Variants in DPP10 observed in about 807,000 individuals in gnomAD.
DPP10 encodes inactive dipeptidyl peptidase 10.
Under a neutral mutation model 120.9 loss-of-function variants are expected in DPP10, and 33 were observed. The ratio of observed to expected loss-of-function variants is 0.27; its 90% CI spans 0.21 to 0.37. The LOEUF is 0.37. Among genes scored for constraint, DPP10 ranks in the 10% least tolerant of loss-of-function variants. The pLI, the probability that DPP10 is intolerant of heterozygous loss-of-function variation, is 1.00. For missense variants in DPP10, 816 were observed against 942.8 expected, an observed-to-expected ratio of 0.87 and a Z score of 1.76; for synonymous variants, 337 against 326.1, an observed-to-expected ratio of 1.03 and a Z score of -0.36.
At chr2:114,703,399 T>A (rs1700501994) in intron 1 of DPP10, among the ~76,000 whole-genome samples, 1 of 152,172 alleles carries the variant, frequency 6.6e-6, no homozygotes, top group South Asian at 2.1e-4. Context: ...TTACAATACA[T>A]CTTAATAAAA....
intron 1 of DPP10, among the ~76,000 whole-genome samples, chr2:114,522,194 C>T (rs555834622): frequency 9.9e-5 from 15 of 151,632 alleles, no homozygotes; most frequent in South Asian, 8.4e-4. Flanking sequence ...CCGTTTTAGC[C>T]GGGATGGTCT....
chr2:115,145,838 C>T (rs2051192659), intron 1 of DPP10, among the ~76,000 whole-genome samples: 2 of 152,080 alleles, frequency 1.3e-5, no homozygotes, highest in African/African-American at 4.8e-5. Flanking sequence ...TCAATTTTAG[C>T]ATTCTACCAG....
intron 5 of DPP10, among the ~76,000 whole-genome samples, chr2:115,560,780 T>C (rs140959714): frequency 3.1e-4 from 47 of 152,064 alleles, no homozygotes; most frequent in African/African-American, 1.1e-3. Context: ...GTTTTAATAT[T>C]AAACTCATCT....
chr2:115,295,621 T>C (rs1399388307), intron 1 of DPP10, among the ~76,000 whole-genome samples: 1 of 152,138 alleles, frequency 6.6e-6, no homozygotes, highest in Admixed American at 6.6e-5. Context: ...TATATGGTAC[T>C]TATTAACACT....
intron 2 of DPP10, among the ~76,000 whole-genome samples, chr2:115,312,638 A>C (rs567338789): frequency 2.0e-5 from 3 of 152,254 alleles, no homozygotes; most frequent in African/African-American, 7.2e-5. Flanking sequence ...AACTGCACCA[A>C]GCCTTTCTCT....
chr2:115,423,571 G>A (rs560136930), intron 3 of DPP10, among the ~76,000 whole-genome samples: 8 of 152,146 alleles, frequency 5.3e-5, no homozygotes, highest in South Asian at 4.2e-4. Flanking sequence ...CAAAAAGAAC[G>A]GCTTTGCCTG....
intron 1 of DPP10, among the ~76,000 whole-genome samples, chr2:114,522,773 C>A (rs890026088): frequency 7.9e-5 from 12 of 152,158 alleles, no homozygotes; most frequent in Non-Finnish European, 1.6e-4. Flanking sequence ...GGAGGCCTCA[C>A]AATCACGGCA....
chr2:115,462,395 C>T (rs970389571), intron 3 of DPP10, among the ~76,000 whole-genome samples: 5 of 152,148 alleles, frequency 3.3e-5, no homozygotes, highest in Non-Finnish European at 7.4e-5. Context: ...AAGGTGATCA[C>T]TACAGTGTCA....
intron 5 of DPP10, among the ~76,000 whole-genome samples, chr2:115,677,802 G>A (rs980025872): frequency 1.3e-5 from 2 of 152,132 alleles, no homozygotes; most frequent in Non-Finnish European, 2.9e-5. Context: ...GGGAGAGAGA[G>A]TCTCCACTAC....
chr2:115,840,545 C>T (rs1278423227), intron 24 of DPP10, among the ~76,000 whole-genome samples: 1 of 151,708 alleles, frequency 6.6e-6, no homozygotes, highest in Non-Finnish European at 1.5e-5. Context: ...AGGATGGTCT[C>T]GATCTCCTGA....
intron 1 of DPP10, among the ~76,000 whole-genome samples, chr2:114,885,246 A>G (rs569183757): frequency 7.2e-5 from 11 of 152,090 alleles, no homozygotes; most frequent in Non-Finnish European, 1.0e-4. Flanking sequence ...CAATCATGTC[A>G]CATGGTGAGA....
intron 3 of DPP10, among the ~76,000 whole-genome samples, chr2:115,471,675 C>G (rs554362614): frequency 6.6e-6 from 1 of 152,094 alleles, no homozygotes; most frequent in South Asian, 2.1e-4. Flanking sequence ...CAGCCTCTAC[C>G]TCACTGGCTC....
chr2:114,507,919 A>G (rs1683812362), intron 1 of DPP10, among the ~76,000 whole-genome samples: 1 of 152,234 alleles, frequency 6.6e-6, no homozygotes. Flanking sequence ...ATCCATAAGC[A>G]TAGTAATTGA....
chr2:114,860,652 A>G (rs1558817479), intron 1 of DPP10, among the ~76,000 whole-genome samples: 1 of 152,326 alleles, frequency 6.6e-6, no homozygotes, highest in East Asian at 1.9e-4. Flanking sequence ...AATTTGTCCA[A>G]CTTTAACTTC....
intron 1 of DPP10, among the ~76,000 whole-genome samples, chr2:115,240,519 T>C (rs1230915715): frequency 1.3e-5 from 2 of 152,196 alleles, no homozygotes; most frequent in African/African-American, 4.8e-5. Context: ...AGTCTGATGA[T>C]TCTGGATATT....
chr2:114,996,763 C>G (rs926446568), intron 1 of DPP10, among the ~76,000 whole-genome samples: 1 of 151,886 alleles, frequency 6.6e-6, no homozygotes, highest in Non-Finnish European at 1.5e-5. Flanking sequence ...GTGGGCAGAT[C>G]ACGAAGTCAG....
chr2:114,596,492 G>T (rs1029257670), intron 1 of DPP10, among the ~76,000 whole-genome samples: 3 of 151,932 alleles, frequency 2.0e-5, no homozygotes, highest in Non-Finnish European at 4.4e-5. Flanking sequence ...CATGTACCTG[G>T]GAAGTTCAGT....
chr2:115,295,878 TA>T (rs1470533178), intron 1 of DPP10, among the ~76,000 whole-genome samples: 1 of 152,108 alleles, frequency 6.6e-6, no homozygotes, highest in African/African-American at 2.4e-5. Context: ...CAAGGCAGAA[TA>T]AAAATGTTTT....
chr2:115,151,125 T>G (rs2051521161), intron 1 of DPP10, among the ~76,000 whole-genome samples: 1 of 152,206 alleles, frequency 6.6e-6, no homozygotes, highest in African/African-American at 2.4e-5. Flanking sequence ...TCAGTTTTAC[T>G]GAATATAAAA....
Sources: allele counts gnomAD v4.1 joint callset (sites outside exome capture counted in the v4.1 genomes callset), GRCh38; gene constraint gnomAD v4.1.1; transcripts MANE v1.5; gene names NCBI Gene and HGNC (gene_info 2026-07-23, HGNC 2026-07-21).